GRIK4: variants seen among roughly 807,000 people sequenced by gnomAD.
GRIK4 encodes glutamate ionotropic receptor kainate type subunit 4.
A neutral mutation model predicts 104.9 loss-of-function variants in GRIK4; 40 were observed. The observed-to-expected ratio is 0.38, with a 90% confidence interval of 0.30 to 0.50. The LOEUF (loss-of-function observed/expected upper bound fraction) is 0.50, where lower values mean the gene tolerates loss of function less well. Among genes scored for constraint, GRIK4 ranks in the 20% least tolerant of loss-of-function variants. The pLI, the probability that GRIK4 is intolerant of heterozygous loss-of-function variation, is 0.93. For missense variants in GRIK4, 1,047 were observed against 1,308.1 expected (o/e 0.80, Z 3.08); for synonymous variants, 485 against 524.9 (o/e 0.92, Z 1.04).
chr11:120,861,093 CTTTTT>C (rs547199127), intron 8 of GRIK4, among the ~76,000 whole-genome samples: 373 of 86,410 alleles, frequency 4.3e-3, no homozygotes, highest in African/African-American at 0.016. Context: ...AAATCATCCT[CTTTTT>C]TTTTTTTTTT....
chr11:120,598,309 G>A (rs945698400), intron 1 of GRIK4, among the ~76,000 whole-genome samples: 3 of 152,206 alleles, frequency 2.0e-5, no homozygotes, highest in Admixed American at 2.0e-4. Flanking sequence ...GGAAACTGAG[G>A]CTCACAGAGT....
rs79242790 is a variant in GRIK4, at chr11:120,696,915, A to G, written c.82+36515A>G. ...CATTTTCCAGAAGATAAACTGCGCT[A>G]TGGGCAAAGATATGACTGTTGTGGG... is the stretch of plus-strand genomic sequence containing the variant. On this transcript the variant is annotated intron_variant, in intron 3 of 20. Transcript: ENST00000527524. 7.3e-3 allele frequency among the ~76,000 whole-genome samples: 1,111 copies of G among 152,320 alleles called. 57 individuals are homozygous for G. In the East Asian group the frequency reaches 0.13, roughly 18 times the overall value.
rs554141261 is a variant in GRIK4 at position 120,952,013 on chromosome 11, C to T, written c.1591-842C>T. Reference sequence around the variant, plus strand: ...AAAGGGGTGGGAACTTGCCTGAGACCACACGGCTAAAGACTTGGAGCAGAT... The same window carrying T: ...AAAGGGGTGGGAACTTGCCTGAGACTACACGGCTAAAGACTTGGAGCAGAT... On this transcript the variant is annotated intron_variant, in intron 14 of 20. Coordinates refer to ENST00000527524, the MANE Select transcript of GRIK4 (RefSeq NM_014619.5). The surrounding 1 kb of genome is among the most constrained non-coding windows in gnomAD (Gnocchi z 5.2). 1.3e-5 allele frequency among the ~76,000 whole-genome samples: 2 copies of T among 152,288 alleles called. No homozygotes were observed. Among genetic ancestry groups the T allele is most frequent in the Admixed American group, 1.3e-4 (2 of 15,302 alleles).
intron 1 of GRIK4, among the ~76,000 whole-genome samples, chr11:120,638,435 T>G (rs1949426890): frequency 6.6e-6 from 1 of 151,976 alleles, no homozygotes; most frequent in African/African-American, 2.4e-5. Flanking sequence ...GAGTCCATGA[T>G]GTTTATCCTC....
intron 1 of GRIK4, among the ~76,000 whole-genome samples, chr11:120,646,936 G>A (rs1055773442): frequency 1.2e-4 from 19 of 152,190 alleles, no homozygotes; most frequent in African/African-American, 4.1e-4. Context: ...CCTATTTTAT[G>A]GGAAAGTAAG....
chr11:120,959,979 T>G (rs901378691), intron 16 of GRIK4, among the ~76,000 whole-genome samples: 5 of 152,220 alleles, frequency 3.3e-5, no homozygotes, highest in African/African-American at 9.6e-5. Context: ...CATTGAGCCC[T>G]GATTAAGCCA....
intron 1 of GRIK4, among the ~76,000 whole-genome samples, chr11:120,551,380 G>A (rs148501181): frequency 3.9e-5 from 6 of 152,102 alleles, no homozygotes; most frequent in African/African-American, 9.7e-5. Context: ...AGTGGGTCCC[G>A]CCCTCATACC....
At chr11:120,536,689 A>G (rs937347618) in intron 1 of GRIK4, among the ~76,000 whole-genome samples, 1 of 152,192 alleles carries the variant, frequency 6.6e-6, no homozygotes, top group Admixed American at 6.5e-5. Flanking sequence ...AAGGTGGATT[A>G]TCCAATTGAT....
intron 1 of GRIK4, among the ~76,000 whole-genome samples, chr11:120,550,332 CAG>C (rs1371739203): frequency 3.9e-5 from 1 of 25,924 alleles, no homozygotes; most frequent in Non-Finnish European, 6.3e-5. Context: ...TGAGTAAGAA[CAG>C]GGGTTGGTGG....
intron 13 of GRIK4, among the ~76,000 whole-genome samples, chr11:120,934,647 C>T (rs1432963475): frequency 3.9e-5 from 6 of 152,192 alleles, no homozygotes; most frequent in Middle Eastern, 3.2e-3. Context: ...ACTCTACAAA[C>T]ATCCAGGAGA....
intron 1 of GRIK4, among the ~76,000 whole-genome samples, chr11:120,610,289 G>C (rs759868322): frequency 6.6e-6 from 1 of 152,240 alleles, no homozygotes; most frequent in South Asian, 2.1e-4. Context: ...TGCATTTAGC[G>C]TTTGGAAGTT....
At chr11:120,749,438 A>C (rs1951505694) in intron 3 of GRIK4, among the ~76,000 whole-genome samples, 1 of 152,188 alleles carries the variant, frequency 6.6e-6, no homozygotes, top group African/African-American at 2.4e-5. Context: ...GAGGAGCCAC[A>C]GGGAAGCAAA....
chr11:120,809,452 A>T (rs1300041191), intron 4 of GRIK4, among the ~76,000 whole-genome samples: 1 of 152,164 alleles, frequency 6.6e-6, no homozygotes, highest in African/African-American at 2.4e-5. Flanking sequence ...TTCCATCTCT[A>T]CTGAGCAGGG....
At chr11:120,709,133 T>A (rs1950681567) in intron 3 of GRIK4, among the ~76,000 whole-genome samples, 1 of 152,084 alleles carries the variant, frequency 6.6e-6, no homozygotes, top group Non-Finnish European at 1.5e-5. Flanking sequence ...AAATCTTACC[T>A]GGAGACTCTA....
intron 1 of GRIK4, among the ~76,000 whole-genome samples, chr11:120,615,437 T>G (rs1949098759): frequency 6.6e-6 from 1 of 152,228 alleles, no homozygotes; most frequent in African/African-American, 2.4e-5. Flanking sequence ...GAAGGGTACC[T>G]GGGCCTTGAT....
intron 1 of GRIK4, among the ~76,000 whole-genome samples, chr11:120,611,571 A>C (rs1455128768): frequency 2.6e-5 from 4 of 152,172 alleles, no homozygotes; most frequent in Non-Finnish European, 4.4e-5. Flanking sequence ...TGCAGCCTGC[A>C]CACCCAGCTC....
intron 1 of GRIK4, among the ~76,000 whole-genome samples, chr11:120,551,654 G>A (rs1309081431): frequency 6.6e-6 from 1 of 152,018 alleles, no homozygotes; most frequent in African/African-American, 2.4e-5. Flanking sequence ...GGTGGTGGGC[G>A]CCTTTAGTCC....
chr11:120,820,251 G>A lies in GRIK4; in HGVS notation c.511+331G>A, dbSNP rs149463367. Among the ~76,000 whole-genome samples the A allele has an allele frequency of 1.1e-4, 17 of 152,238 alleles. No homozygotes were observed. In the East Asian group the frequency reaches 2.3e-3, roughly 21 times the overall value. On this transcript the variant is annotated intron_variant, in intron 6 of 20. Transcript: ENST00000527524. The stretch of plus-strand genomic sequence containing the variant: ...TAGGTTACAAGGAGACTGGCCAACC[G>A]CCAAGCCTTTTTGCATCTGCAAACT...
intron 3 of GRIK4, among the ~76,000 whole-genome samples, chr11:120,661,615 G>A (rs1422168780): frequency 6.6e-6 from 1 of 152,226 alleles, no homozygotes; most frequent in African/African-American, 2.4e-5. Flanking sequence ...ATGGTCAGGA[G>A]GCCATGGTGT....
Sources: allele counts gnomAD v4.1 joint callset (sites outside exome capture counted in the v4.1 genomes callset), GRCh38; gene constraint gnomAD v4.1.1; non-coding constraint Gnocchi (gnomAD v3.1); transcripts MANE v1.5; gene names NCBI Gene and HGNC (gene_info 2026-07-23, HGNC 2026-07-21).